Variants in CBX3 observed in about 807,000 individuals in gnomAD.
CBX3 encodes chromobox 3.
Under a neutral mutation model 22.6 loss-of-function variants are expected in CBX3, and 5 were observed. That is an observed-to-expected ratio of 0.22 (90% CI 0.12 to 0.47). The LOEUF (loss-of-function observed/expected upper bound fraction) is 0.47. CBX3 is among the 20% of genes least tolerant of loss of function. The pLI is 0.99. For synonymous variants in CBX3, 50 were observed against 66.6 expected (o/e 0.75, Z 1.21); for missense variants, 83 against 208.1 (o/e 0.40, Z 3.70).
chr7:26,204,764 C>T (rs1263789058), intron 2 of CBX3, among the ~76,000 whole-genome samples: 1 of 151,908 alleles, frequency 6.6e-6, no homozygotes, highest in Non-Finnish European at 1.5e-5. Context: ...TAAGGTTTAT[C>T]TTTTTTAAAT....
chr7:26,211,347 T>A (rs1294916745), intron 4 of CBX3, among the ~76,000 whole-genome samples: 1 of 152,212 alleles, frequency 6.6e-6, no homozygotes, highest in Non-Finnish European at 1.5e-5. Context: ...CTTTCAAGAC[T>A]TTATTATTAC....
intron 5 of CBX3, 81 bp downstream of exon 5, chr7:26,211,837 G>T: frequency 1.8e-6 from 2 of 1,095,316 alleles, no homozygotes; most frequent in East Asian, 2.5e-5. Context: ...TCATCATTAG[G>T]TAGGGAAAAA....
At chr7:26,205,205 T>C (rs1487111336) in intron 2 of CBX3, among the ~76,000 whole-genome samples, 2 of 152,174 alleles carry the variant, frequency 1.3e-5, no homozygotes, top group Admixed American at 6.5e-5. Context: ...ATAAAAATTT[T>C]CCCCATTTTT....
At chr7:26,203,969 T>C (rs1784613471) in intron 2 of CBX3, among the ~76,000 whole-genome samples, 1 of 152,226 alleles carries the variant, frequency 6.6e-6, no homozygotes. Context: ...GGTCTGTTAT[T>C]GTATTTAGTT....
intron 4 of CBX3, 86 bp downstream of exon 4, chr7:26,208,641 A>T (rs1784736156): frequency 1.5e-6 from 2 of 1,305,692 alleles, no homozygotes; most frequent in East Asian, 2.4e-5. Flanking sequence ...TTTTTTTGAG[A>T]TGGAGTCTTG....
rs754233464 is a variant in CBX3 at position 26,212,428 on chromosome 7, T to G, written c.*220T>G. The stretch of plus-strand genomic sequence containing the variant: ...AAAAGCTTTCTGTAGTTGCTTCCTT[T>G]ATCAGAAAAGAACATTTGATACCAT... On this transcript the variant is annotated 3_prime_UTR_variant, in exon 6 of 6. Transcript: ENST00000396386. The G allele has an allele frequency of 5.0e-6, 1 of 200,318 alleles. No individual in the cohort carries two copies. Among genetic ancestry groups the G allele is most frequent in the Non-Finnish European group, 1.0e-5 (1 of 97,562 alleles). 12.4% of individuals were successfully genotyped at this position (200,318 alleles called of 1,614,324 possible).
At chr7:26,204,149 C>G (rs1051601105) in intron 2 of CBX3, among the ~76,000 whole-genome samples, 1 of 151,640 alleles carries the variant, frequency 6.6e-6, no homozygotes, top group African/African-American at 2.4e-5. Flanking sequence ...CAAATATATA[C>G]TATAAAAGAA....
Position 26,212,286 on chromosome 7 carries a change from CAAAAT to C in CBX3, c.*81_*85del. 4 of 848,486 alleles carry C rather than the reference CAAAAT, an allele frequency of 4.7e-6. No individual in the cohort carries two copies. The highest frequency in any genetic ancestry group is 6.1e-6 in the Non-Finnish European group (4 of 652,896). The allele number at this position is 848,486 out of a possible 1,614,324, so 52.6% of individuals were successfully genotyped here. A position where few individuals can be genotyped will look rare whatever the true frequency, so the allele number is the denominator to read the frequency against. ...CTTAGATTTTGATTTACTAGTGTGA[CAAAAT>C]AACTACATCCTAATGAAAATCAAGT... is the stretch of plus-strand genomic sequence containing the variant. On this transcript the variant is annotated 3_prime_UTR_variant, in exon 6 of 6. Transcript: ENST00000396386.
intron 3 of CBX3, among the ~76,000 whole-genome samples, chr7:26,207,505 G>A (rs889428857): frequency 2.0e-5 from 3 of 152,116 alleles, no homozygotes; most frequent in East Asian, 1.9e-4. Flanking sequence ...AGTGTAACAG[G>A]TAATGTAAAA....
intron 3 of CBX3, 43 bp from the exon 4 acceptor site, chr7:26,208,350 T>C (rs887640866): frequency 1.6e-5 from 23 of 1,472,690 alleles, no homozygotes; most frequent in Admixed American, 4.1e-5. Context: ...ATGAATCATA[T>C]TTAATTCAAT....
At chr7:26,211,474 T>G (rs1458606467) in intron 4 of CBX3, among the ~76,000 whole-genome samples, 188 bp from the exon 5 acceptor site, 1 of 152,204 alleles carries the variant, frequency 6.6e-6, no homozygotes, top group Non-Finnish European at 1.5e-5. Flanking sequence ...TTAAGTATTC[T>G]ACGTTGAGTA....
At chr7:26,211,098 A>T (rs1784794291) in intron 4 of CBX3, among the ~76,000 whole-genome samples, 1 of 150,886 alleles carries the variant, frequency 6.6e-6, no homozygotes, top group African/African-American at 2.4e-5. Context: ...AAAAAAAAAA[A>T]TCGCAAGAAA....
chr7:26,208,347 A>T (rs761717953), intron 3 of CBX3, 46 bp from the exon 4 acceptor site: 1 of 1,443,028 alleles, frequency 6.9e-7, no homozygotes, highest in Admixed American at 2.1e-5. Context: ...GTGATGAATC[A>T]TATTTAATTC....
intron 1 of CBX3, chr7:26,202,716 G>C (rs1162451247): frequency 6.7e-5 from 30 of 450,586 alleles, no homozygotes; most frequent in Non-Finnish European, 5.5e-5. Flanking sequence ...AAAGACATTG[G>C]TCCCCTATTT....
chr7:26,208,146 C>T (rs555300910), intron 3 of CBX3: 8 of 278,194 alleles, frequency 2.9e-5, no homozygotes, highest in African/African-American at 6.4e-5. Flanking sequence ...TCGCTTGAGT[C>T]GGGAGTTGGA....
chr7:26,204,213 G>A (rs1784621811), intron 2 of CBX3, among the ~76,000 whole-genome samples: 1 of 149,874 alleles, frequency 6.7e-6, no homozygotes, highest in East Asian at 2.0e-4. Context: ...AATGAATACT[G>A]TATGGCATTT....
intron 3 of CBX3, among the ~76,000 whole-genome samples, chr7:26,207,621 C>T (rs538546251): frequency 6.6e-6 from 1 of 152,090 alleles, no homozygotes; most frequent in Admixed American, 6.5e-5. Context: ...CGAGTTGAGG[C>T]GATTTTCCTG....
chr7:26,211,842 GAA>G (rs1222032658), intron 5 of CBX3, 86 bp downstream of exon 5: 36 of 1,046,634 alleles, frequency 3.4e-5, no homozygotes, highest in Non-Finnish European at 4.6e-5. Context: ...ATTAGGTAGG[GAA>G]AAACTATCTG....
At chr7:26,211,370 G>C (rs1312767948) in intron 4 of CBX3, among the ~76,000 whole-genome samples, 1 of 152,120 alleles carries the variant, frequency 6.6e-6, no homozygotes, top group Admixed American at 6.6e-5. Flanking sequence ...GAAATAAAGA[G>C]GTTAGTTTTT....
Sources: gnomAD v4.1 joint callset for allele counts (sites outside exome capture counted in the v4.1 genomes callset) on GRCh38, gnomAD v4.1.1 for gene constraint, MANE v1.5 for transcripts, NCBI Gene and HGNC (gene_info 2026-07-23, HGNC 2026-07-21) for gene names.